The following GPM6A variants were observed in gnomAD, a reference collection of about 807,000 sequenced individuals.
GPM6A encodes the protein glycoprotein M6A, also known as neuronal membrane glycoprotein M6-a.
GPM6A carries 7 observed loss-of-function variants against 32.1 expected under a neutral mutation model. The observed-to-expected ratio is 0.22, with a 90% CI of 0.12 to 0.41. The LOEUF (loss-of-function observed/expected upper bound fraction) is 0.41. GPM6A is among the 10% of genes least tolerant of loss of function. The pLI, the probability that GPM6A is intolerant of heterozygous loss-of-function variation, is 1.00. For missense variants in GPM6A, 235 were observed against 347.2 expected, an observed-to-expected ratio of 0.68 and a Z score of 2.57; for synonymous variants, 130 against 123.4, an observed-to-expected ratio of 1.05 and a Z score of -0.35.
chr4:175,803,117 T>C (rs2111308512), intron 1 of GPM6A, among the ~76,000 whole-genome samples: 1 of 152,144 alleles, frequency 6.6e-6, no homozygotes, highest in Non-Finnish European at 1.5e-5. Context: ...TATCCTCTTC[T>C]TTTTCTTCCC....
intron 1 of GPM6A, among the ~76,000 whole-genome samples, chr4:175,847,518 C>A (rs1336055235): frequency 6.6e-6 from 1 of 152,058 alleles, no homozygotes; most frequent in Admixed American, 6.6e-5. Context: ...CACTTAGTAG[C>A]CTTCCTGGTT....
At chr4:175,779,125 C>T (rs960574051) in intron 1 of GPM6A, among the ~76,000 whole-genome samples, 1 of 152,052 alleles carries the variant, frequency 6.6e-6, no homozygotes, top group Non-Finnish European at 1.5e-5. Flanking sequence ...GAGAGAGTGG[C>T]TCCATGCTTT....
intron 1 of GPM6A, among the ~76,000 whole-genome samples, chr4:175,873,958 T>G (rs1195435503): frequency 6.6e-6 from 1 of 152,292 alleles, no homozygotes; most frequent in South Asian, 2.1e-4. Flanking sequence ...AATTTAACAA[T>G]TATTGACTGA....
intron 2 of GPM6A, among the ~76,000 whole-genome samples, chr4:175,683,972 C>T (rs1271968494): frequency 6.6e-6 from 1 of 151,910 alleles, no homozygotes; most frequent in Non-Finnish European, 1.5e-5. Context: ...GCTGGGATTA[C>T]AGCCGTGCAC....
chr4:175,980,990 T>G (rs1348851451), intron 1 of GPM6A, among the ~76,000 whole-genome samples: 4 of 152,156 alleles, frequency 2.6e-5, no homozygotes, highest in Admixed American at 2.0e-4. Flanking sequence ...TGTCTAACAC[T>G]TAAAGATTTT....
intron 1 of GPM6A, among the ~76,000 whole-genome samples, chr4:175,802,330 C>T (rs939840308): frequency 6.6e-6 from 1 of 151,980 alleles, no homozygotes; most frequent in Non-Finnish European, 1.5e-5. Context: ...CATCAAAAAA[C>T]TTAGTACACC....
intron 6 of GPM6A, among the ~76,000 whole-genome samples, chr4:175,637,504 A>G (rs1200583721): frequency 5.6e-5 from 6 of 106,446 alleles, no homozygotes; most frequent in African/African-American, 2.2e-4. Context: ...ATATATATAT[A>G]AAACCTTTAT....
In GPM6A at chr4:175,786,414, C is replaced by T. The variant is rs192162669; in HGVS notation, c.37+25777G>A. On this transcript the variant is annotated intron_variant, in intron 1 of 6. Coordinates refer to ENST00000393658, the MANE Select transcript of GPM6A (RefSeq NM_201591.3). The stretch of plus-strand genomic sequence containing the variant: ...CTCCCTCCAATTACATCAATTTGGG[C>T]ATCTACAAAGCTCCCGTGCTGAACC... Among the ~76,000 whole-genome samples, 5 of 151,848 alleles carry T rather than the reference C, an allele frequency of 3.3e-5. No individual in the cohort carries two copies. The East Asian group carries it at 9.8e-4, about 30-fold the overall frequency.
At chr4:175,907,496 C>A (rs1738167241) in intron 1 of GPM6A, among the ~76,000 whole-genome samples, 1 of 152,130 alleles carries the variant, frequency 6.6e-6, no homozygotes, top group Non-Finnish European at 1.5e-5. Flanking sequence ...TCAGTCCCAG[C>A]CTCTGCATCA....
rs555009127 is a variant in GPM6A at position 175,664,565 on chromosome 4, T to C, written c.387+9115A>G. Among the ~76,000 whole-genome samples the C allele has an allele frequency of 7.9e-5, 12 of 152,328 alleles. No homozygotes were observed. In the South Asian group the frequency reaches 1.5e-3, roughly 18 times the overall value. On this transcript the variant is annotated intron_variant, in intron 3 of 6. Transcript: ENST00000393658. ...TTTCTTCTTTATTATCTTGCATTGG[T>C]CTCATCCACTCAACAAATCATGTTC...
intron 1 of GPM6A, among the ~76,000 whole-genome samples, chr4:175,711,411 T>A (rs1359186727): frequency 4.5e-4 from 4 of 8,986 alleles, no homozygotes; most frequent in Admixed American, 3.1e-3. Context: ...GCACACCAAA[T>A]ATATATATAT....
intron 4 of GPM6A, among the ~76,000 whole-genome samples, chr4:175,648,330 C>T (rs902600328): frequency 4.6e-5 from 7 of 152,196 alleles, no homozygotes; most frequent in South Asian, 2.1e-4. Flanking sequence ...TCCTTAACTC[C>T]GGAACTTGTA....
chr4:175,658,455 T>C (rs1742213674), intron 3 of GPM6A, among the ~76,000 whole-genome samples: 1 of 152,048 alleles, frequency 6.6e-6, no homozygotes, highest in Admixed American at 6.6e-5. Context: ...CACAGAGGAT[T>C]TGTAGAACCG....
chr4:175,992,728 A>G (rs1741189926), intron 1 of GPM6A, among the ~76,000 whole-genome samples: 1 of 152,218 alleles, frequency 6.6e-6, no homozygotes, highest in Non-Finnish European at 1.5e-5. Context: ...ATTCCTAAAT[A>G]CATGAAGGTA....
intron 1 of GPM6A, 52 bp downstream of exon 1, chr4:175,812,139 G>A (rs2111331833): frequency 1.4e-6 from 2 of 1,379,504 alleles, no homozygotes; most frequent in Non-Finnish European, 2.0e-6. Flanking sequence ...AAGCAAACAA[G>A]GAAACTGCAA....
At chr4:175,951,761 G>A (rs1314514628) in intron 1 of GPM6A, among the ~76,000 whole-genome samples, 1 of 152,212 alleles carries the variant, frequency 6.6e-6, no homozygotes, top group Non-Finnish European at 1.5e-5. Flanking sequence ...AATGGTATTG[G>A]TTAATGCGGA....
At chr4:175,849,408 G>A (rs146770123) in intron 1 of GPM6A, among the ~76,000 whole-genome samples, 216 of 152,260 alleles carry the variant, frequency 1.4e-3, no homozygotes, top group African/African-American at 4.7e-3. Context: ...TTTAGCCAAC[G>A]TAGCCAACGT....
At chr4:175,874,867 A>T (rs1737032781) in intron 1 of GPM6A, among the ~76,000 whole-genome samples, 1 of 152,146 alleles carries the variant, frequency 6.6e-6, no homozygotes. Flanking sequence ...ATCTGCAGAG[A>T]AGGAAAATAT....
chr4:175,909,891 G>T (rs755045361), intron 1 of GPM6A, among the ~76,000 whole-genome samples: 2 of 152,074 alleles, frequency 1.3e-5, no homozygotes, highest in Non-Finnish European at 1.5e-5. Flanking sequence ...TAAAAAAAGA[G>T]AAACCAAGTA....
Sources: gnomAD v4.1 joint callset for allele counts (sites outside exome capture counted in the v4.1 genomes callset) on GRCh38, gnomAD v4.1.1 for gene constraint, MANE v1.5 for transcripts, NCBI Gene and HGNC (gene_info 2026-07-23, HGNC 2026-07-21) for gene names.